The following MAP3K12 variants were observed in gnomAD, a reference collection of about 807,000 sequenced individuals.
MAP3K12 encodes the protein mitogen-activated protein kinase kinase kinase 12, also known as MAPK-upstream kinase.
In MAP3K12, 14 loss-of-function variants were observed where a neutral mutation model predicts 87.5. The ratio of observed to expected loss-of-function variants is 0.16; its 90% confidence interval spans 0.11 to 0.25. The LOEUF is 0.25. MAP3K12 is among the 10% of genes least tolerant of loss of function. MAP3K12 has a pLI of 1.00. For synonymous variants in MAP3K12, 469 were observed against 452.5 expected, an observed-to-expected ratio of 1.04 and a Z score of -0.46; for missense variants, 802 against 1,140.4, an observed-to-expected ratio of 0.70 and a Z score of 4.27.
At chr12:53,492,074 C>CA (rs397849916) in intron 1 of MAP3K12, among the ~76,000 whole-genome samples, 1,287 of 100,836 alleles carry the variant, frequency 0.013, 10 homozygotes, top group African/African-American at 0.022. Flanking sequence ...GACTCTGTTT[C>CA]AAAAAAAAAA....
chr12:53,481,191 G>GA lies in MAP3K12; in HGVS notation c.2669dup (p.Pro892SerfsTer11). The GA allele has an allele frequency of 6.6e-7, 1 of 1,516,420 alleles. No homozygotes were observed. The allele number at this position is 1,516,420 out of a possible 1,614,324, so 93.9% of individuals were successfully genotyped here. On this transcript the variant is annotated frameshift_variant, in exon 14 of 14. Coordinates refer to ENST00000547488, the MANE Select transcript of MAP3K12 (RefSeq NM_001193511.2). LOFTEE classifies it high-confidence loss of function. ...GGAATACGAGTGGCTTTCATGGAGG[G>GA]AGGGAAGCTGGGGGCCGCAAGGCAT...
chr12:53,484,956 G>C (rs1171194473), intron 6 of MAP3K12, 100 bp downstream of exon 6: 3 of 1,440,320 alleles, frequency 2.1e-6, no homozygotes, highest in Non-Finnish European at 2.9e-6. Flanking sequence ...CAGTCTCTTT[G>C]AATTAAATGT....
chr12:53,487,057 A>C lies in MAP3K12; in HGVS notation c.335T>G (p.Leu112Arg), dbSNP rs756356010. 1 of 1,614,082 alleles carries C rather than the reference A, an allele frequency of 6.2e-7. No individual in the cohort carries two copies. The highest frequency in any genetic ancestry group is 8.5e-7 in the Non-Finnish European group (1 of 1,180,008). ...GAAGCCACTGCCACTCTGGCACTGC[A>C]GTCGCACCTCGTCAGCTCGAACTCT... is the stretch of plus-strand genomic sequence containing the variant. Reference protein sequence around the residue: ...ASRVRADEVRLQCQSGSGFLE... With the variant: ...ASRVRADEVRRQCQSGSGFLE... The change falls in exon 2 of 14, where the codon CTG becomes CGG. Residue 112 changes from leucine (L) to arginine (R), a missense_variant. Physicochemically the swap from Leu to Arg is moderately radical, Grantham distance 102 (BLOSUM62 -2). Around this residue, in one of 5 missense-constraint regions of MAP3K12, gnomAD observed 135 missense variants for 151.6 expected, o/e 0.89. Coordinates refer to ENST00000547488, the MANE Select transcript of MAP3K12 (RefSeq NM_001193511.2).
At chr12:53,488,127 C>T (rs901145098) in intron 1 of MAP3K12, among the ~76,000 whole-genome samples, 3 of 152,194 alleles carry the variant, frequency 2.0e-5, no homozygotes, top group Non-Finnish European at 2.9e-5. Flanking sequence ...GTTGTAACCA[C>T]AGAGTTCTGT....
rs1465363580 is a variant in MAP3K12 at position 53,485,107 on chromosome 12, G to A, written c.1088C>T (p.Pro363Leu). 3 of 1,614,180 alleles carry A rather than the reference G, an allele frequency of 1.9e-6. No individual in the cohort carries two copies. Among genetic ancestry groups the A allele is most frequent in the Non-Finnish European group, 2.5e-6 (3 of 1,180,032 alleles). The part of the protein sequence containing the change: ...WGVGSNSLHL[P>L]VPSSCPDGFK... The stretch of plus-strand genomic sequence containing the variant: ...ACCATCTGGGCAACTGGAGGGCACG[G>A]GCAGATGGAGACTGTTGCTTCCCAC... The change falls in exon 6 of 14, where the codon CCC becomes CTC. Residue 363 changes from proline to leucine, a missense_variant. Pro to Leu is a moderately conservative substitution (Grantham distance 98, BLOSUM62 -3). Around this residue, in one of 5 missense-constraint regions of MAP3K12, gnomAD observed 99 missense variants for 193.4 expected, o/e 0.51. Coordinates refer to ENST00000547488, the MANE Select transcript of MAP3K12 (RefSeq NM_001193511.2).
intron 8 of MAP3K12, 27 bp downstream of exon 8, chr12:53,483,884 A>AT (rs769157616): frequency 6.2e-7 from 1 of 1,612,944 alleles, no homozygotes; most frequent in Admixed American, 1.7e-5. Flanking sequence ...TGTTAGTAAA[A>AT]TCACCTCCCC....
chr12:53,484,032 G>T lies in MAP3K12; in HGVS notation c.1249-12C>A. 6.2e-7 allele frequency: 1 copy of T among 1,612,488 alleles called. No individual in the cohort carries two copies. The highest frequency in any genetic ancestry group is 1.1e-5 in the South Asian group (1 of 91,046). ...TCCCGCCACTCTGCCTATGGGTTGA[G>T]AGCAGATGAAGAGTGAGAGCCATCC... On this transcript the variant is annotated splice_polypyrimidine_tract_variant and intron_variant, in intron 7 of 13. Transcript: ENST00000547488.
At chr12:53,481,759 C>T (rs796831661) in intron 13 of MAP3K12, 182 bp downstream of exon 13, 68 of 675,624 alleles carry the variant, frequency 1.0e-4, no homozygotes, top group African/African-American at 9.9e-4. Context: ...ATGCAAGCTA[C>T]TGGTCAGGCA....
rs200025214 is a variant in MAP3K12, at chr12:53,482,986, C to T, written c.1817G>A (p.Gly606Glu). Residue 606 changes from glycine (G) to glutamate (E), a missense_variant, in exon 11 of 14, where the codon GGA becomes GAA. Physicochemically the swap from Gly to Glu is moderately conservative, Grantham distance 98. Transcript: ENST00000547488. Reference sequence around the variant, plus strand: ...TCCTAGGCCCCCTGGGCTTCCTGGTCCTCCAGGTTCATGGGGTGGCACAGC... The same window carrying T: ...TCCTAGGCCCCCTGGGCTTCCTGGTTCTCCAGGTTCATGGGGTGGCACAGC... ...RTAVPPHEPG[G>E]PGSPGGLGGG... 233 of 1,576,218 alleles carry T rather than the reference C, an allele frequency of 1.5e-4. No individual in the cohort carries two copies. Among genetic ancestry groups the T allele is most frequent in the Non-Finnish European group, 1.5e-4 (173 of 1,162,160 alleles).
At chr12:53,498,908 C>CTGTGTGTGTGTGTGTGTGTGTGTG (rs71068135) in intron 1 of MAP3K12, among the ~76,000 whole-genome samples, 1 of 108,358 alleles carries the variant, frequency 9.2e-6, no homozygotes. Context: ...GTCCAGCCTG[C>CTGTGTGTGTGTGTGTGTGTGTGTG]TGTGTGTGTG....
intron 11 of MAP3K12, 26 bp from the exon 12 acceptor site, chr12:53,482,395 G>A (rs149342418): frequency 2.4e-5 from 39 of 1,610,976 alleles, no homozygotes; most frequent in Non-Finnish European, 2.9e-5. Flanking sequence ...GGTGGGGGGG[G>A]TCTGATTAGA....
At position 53,486,190 on chromosome 12, in the gene MAP3K12, G is replaced by A; in HGVS notation, c.687C>T (p.Gly229=). ...CAGCCCGCAGTACCTCATACAGCTG[G>A]CCCTGGGCGCAGAACTCCATGAGGA... ...YCILMEFCAQ[G]QLYEVLRAGR... The change falls in exon 4 of 14, where the codon GGC becomes GGT. Residue 229 remains glycine, a synonymous_variant. Transcript: ENST00000547488. The surrounding 1 kb of genome is among the most constrained non-coding windows in gnomAD (Gnocchi z 4.9). 1 of 1,613,858 alleles carries A rather than the reference G, an allele frequency of 6.2e-7. No individual in the cohort carries two copies. The highest frequency in any genetic ancestry group is 8.5e-7 in the Non-Finnish European group (1 of 1,179,890).
At chr12:53,495,016 G>A (rs541353094) in intron 1 of MAP3K12, among the ~76,000 whole-genome samples, 1 of 151,894 alleles carries the variant, frequency 6.6e-6, no homozygotes, top group Admixed American at 6.6e-5. Context: ...GAGTAGCTGG[G>A]ACTACAGGCA....
intron 10 of MAP3K12, 31 bp downstream of exon 10, chr12:53,483,318 C>G (rs763664647): frequency 6.2e-7 from 1 of 1,608,546 alleles, no homozygotes; most frequent in African/African-American, 1.3e-5. Flanking sequence ...ATCCCTCTTG[C>G]CATATTGGAA....
Position 53,483,991 on chromosome 12 carries a change from G to A in MAP3K12, c.1278C>T (p.His426=). 6.2e-7 allele frequency: 1 copy of A among 1,613,944 alleles called. No individual in the cohort carries two copies. The highest frequency in any genetic ancestry group is 8.5e-7 in the Non-Finnish European group (1 of 1,179,994). The part of the protein sequence containing the change: ...QAEWREEVKL[H]FEKIKSEGTC... ...TCCCTTCTGACTTAATCTTTTCAAAGTGCAGTTTTACTTCTTCCCGCCACT... is the reference window on the plus strand; with the variant it reads ...TCCCTTCTGACTTAATCTTTTCAAAATGCAGTTTTACTTCTTCCCGCCACT... The change falls in exon 8 of 14, where the codon CAC becomes CAT. Residue 426 remains histidine, a synonymous_variant. Coordinates refer to ENST00000547488, the MANE Select transcript of MAP3K12 (RefSeq NM_001193511.2).
intron 13 of MAP3K12, 34 bp downstream of exon 13, chr12:53,481,907 T>C (rs1256393101): frequency 6.3e-7 from 1 of 1,599,848 alleles, no homozygotes; most frequent in Non-Finnish European, 8.5e-7. Context: ...GCTCTCCCTG[T>C]TCAATATCTG....
At chr12:53,492,489 C>A (rs1276080410) in intron 1 of MAP3K12, among the ~76,000 whole-genome samples, 1 of 152,120 alleles carries the variant, frequency 6.6e-6, no homozygotes, top group Non-Finnish European at 1.5e-5. Flanking sequence ...ACAAAACTAG[C>A]TCCCTGAATC....
rs570207012 is a variant in MAP3K12 at position 53,485,921 on chromosome 12, T to C, written c.821+135A>G. On this transcript the variant is annotated intron_variant, in intron 4 of 13. Transcript: ENST00000547488. The stretch of plus-strand genomic sequence containing the variant: ...GGGGCTCACTACAGCCCTTCTGAGA[T>C]GGGACTGTCACTTGGAAGAGGTTTC... 86 of 764,094 alleles carry C rather than the reference T, an allele frequency of 1.1e-4. No individual in the cohort carries two copies. The South Asian group carries it at 1.5e-3, about 13-fold the overall frequency. 47.3% of individuals were successfully genotyped at this position (764,094 alleles called of 1,614,324 possible). A position where few individuals can be genotyped will look rare whatever the true frequency, so the allele number is the denominator to read the frequency against.
chr12:53,494,088 A>T (rs890808689), intron 1 of MAP3K12, among the ~76,000 whole-genome samples: 5 of 151,930 alleles, frequency 3.3e-5, no homozygotes, highest in South Asian at 2.1e-4. Flanking sequence ...TTTATTTCTG[A>T]CCTGCCAGCT....
Sources: allele counts gnomAD v4.1 joint callset (sites outside exome capture counted in the v4.1 genomes callset), GRCh38; gene constraint gnomAD v4.1.1; regional missense constraint gnomAD v4.1.1; non-coding constraint Gnocchi (gnomAD v3.1); transcripts MANE v1.5; gene names NCBI Gene and HGNC (gene_info 2026-07-23, HGNC 2026-07-21).